Variants in HTR4 observed in about 807,000 individuals in gnomAD.
HTR4 encodes 5-hydroxytryptamine (serotonin) receptor 4, G protein-coupled.
A neutral mutation model predicts 36.8 loss-of-function variants in HTR4; 16 were observed. The ratio of observed to expected loss-of-function variants is 0.43; its 90% confidence interval spans 0.29 to 0.66. The LOEUF (loss-of-function observed/expected upper bound fraction) is 0.66, where lower values mean the gene tolerates loss of function less well. Ranked by LOEUF, HTR4 falls within the 30% of genes least tolerant of loss-of-function variation. The pLI is 0.13. For missense variants in HTR4, 438 were observed against 490.9 expected (o/e 0.89, Z 1.02); for synonymous variants, 189 against 185.1 (o/e 1.02, Z -0.17).
intron 1 of HTR4, among the ~76,000 whole-genome samples, chr5:148,649,796 T>G (rs1753980529): frequency 6.6e-6 from 1 of 152,242 alleles, no homozygotes; most frequent in Admixed American, 6.5e-5. Context: ...TTGATTCTCA[T>G]TAATCCAAAT....
rs763706195 is a variant in HTR4 at position 148,509,985 on chromosome 5, A to G, written c.547T>C (p.Tyr183His). ...RKFNQNSNST[Y>H]CVFMVNKPYA... ...GGCTTGTTGACCATGAAGACACAGT[A>G]CGTAGAGTTAGAGTTCTGGTTGAAC... The change falls in exon 6 of 7, where the codon TAC becomes CAC. Residue 183 changes from tyrosine (Y) to histidine (H), a missense_variant. Coordinates refer to ENST00000377888, the MANE Select transcript of HTR4 (RefSeq NM_000870.7). 6.8e-6 allele frequency: 11 copies of G among 1,613,718 alleles called. No homozygotes were observed. The South Asian group carries it at 1.1e-4, about 16-fold the overall frequency.
chr5:148,510,037 G>C lies in HTR4; in HGVS notation c.508-13C>G. 6.4e-7 allele frequency: 1 copy of C among 1,572,154 alleles called. No individual in the cohort carries two copies. The highest frequency in any genetic ancestry group is 1.1e-5 in the South Asian group (1 of 87,764). On this transcript the variant is annotated splice_polypyrimidine_tract_variant and intron_variant, in intron 5 of 6. Transcript: ENST00000377888. The stretch of plus-strand genomic sequence containing the variant: ...TCCTCTTTTCTATCTGAGAGTTGGA[G>C]GGAGAGAGGAAATGAGGAAAGGAGG...
intron 5 of HTR4, among the ~76,000 whole-genome samples, chr5:148,457,527 G>C (rs1307886290): frequency 1.3e-5 from 2 of 151,816 alleles, no homozygotes; most frequent in Non-Finnish European, 2.9e-5. Flanking sequence ...GAAATGATTA[G>C]ACTTTATTAT....
intron 6 of HTR4, among the ~76,000 whole-genome samples, chr5:148,502,827 C>T (rs551471224): frequency 1.1e-4 from 16 of 152,254 alleles, no homozygotes; most frequent in East Asian, 1.9e-4. Flanking sequence ...AACCAAGGCA[C>T]GAGAACTACG....
intron 4 of HTR4, among the ~76,000 whole-genome samples, chr5:148,527,304 G>A (rs1758329219): frequency 6.6e-6 from 1 of 152,118 alleles, no homozygotes; most frequent in African/African-American, 2.4e-5. Flanking sequence ...GGTTATGTTG[G>A]GAAAATAATA....
chr5:148,544,287 CTCTCTCTCTCCACCTCTCTT>C lies in HTR4; in HGVS notation c.353+4361_353+4380del, dbSNP rs1389792122. Among the ~76,000 whole-genome samples, 177 of 43,226 alleles carry C rather than the reference CTCTCTCTCTCCACCTCTCTT, an allele frequency of 4.1e-3. No individual in the cohort carries two copies. The African/African-American group carries it at 0.059, about 14-fold the overall frequency. 28.4% of individuals were successfully genotyped at this position (43,226 alleles called of 152,430 possible). On this transcript the variant is annotated intron_variant, in intron 4 of 6. Transcript: ENST00000377888. Reference sequence around the variant, plus strand: ...TCTCTCTCTCTCTCTTTCTCTCTTTCTCTCTCTCTCCACCTCTCTTTCTCTCTCTCTCCACCTCTCTTTCT... The same window carrying C: ...TCTCTCTCTCTCTCTTTCTCTCTTTCTCTCTCTCTCTCCACCTCTCTTTCT...
intron 5 of HTR4, among the ~76,000 whole-genome samples, chr5:148,470,162 A>G (rs767592309): frequency 5.3e-5 from 8 of 152,234 alleles, no homozygotes; most frequent in Non-Finnish European, 1.2e-4. Context: ...TAATATTCAC[A>G]AGTATTTTTG....
intron 6 of HTR4, among the ~76,000 whole-genome samples, chr5:148,503,306 C>G (rs1301892841): frequency 6.6e-6 from 1 of 152,178 alleles, no homozygotes; most frequent in Admixed American, 6.5e-5. Context: ...CGCAGAAACT[C>G]TACAAGCCAG....
At chr5:148,463,129 C>G (rs1755321319) in intron 5 of HTR4, among the ~76,000 whole-genome samples, 1 of 129,150 alleles carries the variant, frequency 7.7e-6, no homozygotes, top group Non-Finnish European at 1.7e-5. Context: ...GTCACCACTG[C>G]TTTTGCTTTG....
At position 148,496,049 on chromosome 5, in the gene HTR4, G is replaced by T. The variant is rs186687445; in HGVS notation, c.1077-12756C>A. Among the ~76,000 whole-genome samples the T allele has an allele frequency of 9.0e-4, 137 of 152,256 alleles. 2 individuals are homozygous for T. The East Asian group carries it at 0.022, about 24-fold the overall frequency. On this transcript the variant is annotated intron_variant, in intron 6 of 6. Transcript: ENST00000377888. ...CAGGAGGCGGAGGTTGCAGTAAGCC[G>T]AAATCGCGCCACTGCACTCCAGCCT...
At chr5:148,553,956 A>G (rs1759814975) in intron 2 of HTR4, among the ~76,000 whole-genome samples, 1 of 152,278 alleles carries the variant, frequency 6.6e-6, no homozygotes, top group African/African-American at 2.4e-5. Context: ...TATTCACAAG[A>G]GCCCAAAGGT....
chr5:148,640,891 T>A (rs1274571992), intron 1 of HTR4, among the ~76,000 whole-genome samples: 1 of 152,206 alleles, frequency 6.6e-6, no homozygotes, highest in African/African-American at 2.4e-5. Context: ...GCATATAGAT[T>A]GTTACATTTT....
At chr5:148,460,026 T>A (rs1016733077) in intron 5 of HTR4, among the ~76,000 whole-genome samples, 9 of 152,116 alleles carry the variant, frequency 5.9e-5, no homozygotes, top group African/African-American at 2.2e-4. Context: ...GATGGACTTA[T>A]TAGTAGACTA....
At chr5:148,538,818 CA>C (rs1488816073) in intron 4 of HTR4, among the ~76,000 whole-genome samples, 1 of 152,106 alleles carries the variant, frequency 6.6e-6, no homozygotes, top group Non-Finnish European at 1.5e-5. Context: ...TTTGCAGATT[CA>C]ATGCTATTTC....
intron 4 of HTR4, among the ~76,000 whole-genome samples, chr5:148,538,594 G>A (rs1656593357): frequency 6.6e-6 from 1 of 152,052 alleles, no homozygotes; most frequent in Non-Finnish European, 1.5e-5. Flanking sequence ...GCCAAGCTAA[G>A]AGCCAAATCA....
chr5:148,486,065 C>T (rs1756145575), intron 6 of HTR4, among the ~76,000 whole-genome samples: 1 of 152,174 alleles, frequency 6.6e-6, no homozygotes, highest in African/African-American at 2.4e-5. Flanking sequence ...ATCAATATAG[C>T]TCTGGCCATG....
intron 2 of HTR4, among the ~76,000 whole-genome samples, chr5:148,551,330 G>A (rs972997149): frequency 1.3e-5 from 2 of 152,288 alleles, no homozygotes; most frequent in South Asian, 4.1e-4. Flanking sequence ...GTCTGTTGGA[G>A]AGATAGTAGC....
chr5:148,626,267 T>C (rs1360154979), intron 2 of HTR4, among the ~76,000 whole-genome samples: 1 of 152,232 alleles, frequency 6.6e-6, no homozygotes, highest in East Asian at 1.9e-4. Context: ...AAAATTCAGT[T>C]CAATTCAAGG....
intron 4 of HTR4, among the ~76,000 whole-genome samples, chr5:148,545,212 A>G (rs1264699572): frequency 6.6e-6 from 1 of 152,242 alleles, no homozygotes; most frequent in Non-Finnish European, 1.5e-5. Flanking sequence ...CAAGGAAAAT[A>G]AAACAAAAGA....
Sources: gnomAD v4.1 joint callset for allele counts (sites outside exome capture counted in the v4.1 genomes callset) on GRCh38, gnomAD v4.1.1 for gene constraint, MANE v1.5 for transcripts, NCBI Gene and HGNC (gene_info 2026-07-23, HGNC 2026-07-21) for gene names.